The following RSPO2 variants were observed in gnomAD, a reference collection of about 807,000 sequenced individuals.
The protein encoded by RSPO2 is R-spondin-2.
Under a neutral mutation model 30.9 loss-of-function variants are expected in RSPO2, and 14 were observed. The observed-to-expected ratio is 0.45, with a 90% CI of 0.30 to 0.71. The LOEUF is 0.71. Among genes scored for constraint, RSPO2 ranks in the 30% least tolerant of loss-of-function variants. The probability of loss-of-function intolerance (pLI) is 0.08; values close to 1 mark genes in which losing one functional copy is unlikely to be tolerated. For missense variants in RSPO2, 264 were observed against 301.9 expected (o/e 0.87, Z 0.93); for synonymous variants, 107 against 96.4 (o/e 1.11, Z -0.64).
intron 3 of RSPO2, chr8:107,983,204 C>T (rs1443207824): frequency 1.9e-6 from 3 of 1,571,402 alleles, no homozygotes; most frequent in Admixed American, 1.8e-5. Flanking sequence ...TACGAAGAGG[C>T]TATTTCTTGT....
chr8:108,058,710 T>C (rs1812342841), intron 2 of RSPO2, among the ~76,000 whole-genome samples: 1 of 151,974 alleles, frequency 6.6e-6, no homozygotes, highest in South Asian at 2.1e-4. Flanking sequence ...TACAACTATC[T>C]GATCTTTCAC....
intron 2 of RSPO2, among the ~76,000 whole-genome samples, chr8:108,041,686 C>T (rs1408943756): frequency 6.6e-6 from 1 of 152,032 alleles, no homozygotes; most frequent in African/African-American, 2.4e-5. Flanking sequence ...TGATAAAAGA[C>T]ACCATAGAAT....
At chr8:108,000,147 G>T (rs952658891) in intron 2 of RSPO2, among the ~76,000 whole-genome samples, 3 of 152,108 alleles carry the variant, frequency 2.0e-5, no homozygotes, top group Non-Finnish European at 4.4e-5. Flanking sequence ...GGAGTCTTAG[G>T]TGGTTCTGCT....
At chr8:107,956,630 A>G (rs976802490) in intron 5 of RSPO2, among the ~76,000 whole-genome samples, 1 of 152,192 alleles carries the variant, frequency 6.6e-6, no homozygotes, top group Non-Finnish European at 1.5e-5. Context: ...CTCTTGTTAC[A>G]CATGAGCATG....
intron 2 of RSPO2, among the ~76,000 whole-genome samples, chr8:108,011,880 C>T (rs1810721498): frequency 6.6e-6 from 1 of 152,138 alleles, no homozygotes; most frequent in African/African-American, 2.4e-5. Context: ...CATTCATAAG[C>T]CTTAAATCCC....
rs55776006 is a variant in RSPO2, at chr8:107,906,079, T to C, written c.617-4889A>G. 7.5e-3 allele frequency among the ~76,000 whole-genome samples: 1,147 copies of C among 152,046 alleles called. 9 individuals carry two copies. The highest frequency in any genetic ancestry group is 0.026 in the African/African-American group (1,067 of 41,542). On this transcript the variant is annotated intron_variant, in intron 5 of 5. Transcript: ENST00000276659. ...GTCATGAGACAGGCAACAGGATGCA[T>C]TGAGAATATAAAATTGATACAGCCT...
At chr8:108,050,313 G>A (rs1021721991) in intron 2 of RSPO2, among the ~76,000 whole-genome samples, 5 of 152,148 alleles carry the variant, frequency 3.3e-5, no homozygotes, top group Admixed American at 6.6e-5. Flanking sequence ...GTATGGATCG[G>A]TTAATTATAA....
intron 2 of RSPO2, among the ~76,000 whole-genome samples, chr8:107,992,219 C>A (rs541804848): frequency 7.6e-6 from 1 of 131,172 alleles, no homozygotes; most frequent in East Asian, 2.2e-4. Context: ...GAATACTATA[C>A]AGCCATAAAA....
chr8:107,982,903 A>G (rs1335574179), intron 3 of RSPO2, among the ~76,000 whole-genome samples: 19 of 152,030 alleles, frequency 1.2e-4, no homozygotes, highest in Admixed American at 1.2e-3. Context: ...TTAATATACT[A>G]TATTTTTTAG....
chr8:107,904,369 A>AT (rs1811573113), intron 5 of RSPO2, among the ~76,000 whole-genome samples: 1 of 151,932 alleles, frequency 6.6e-6, no homozygotes, highest in Admixed American at 6.6e-5. Context: ...AAAAAAAAAA[A>AT]AAGAAGTTTG....
intron 5 of RSPO2, among the ~76,000 whole-genome samples, chr8:107,935,748 C>G (rs1812704287): frequency 6.6e-6 from 1 of 152,092 alleles, no homozygotes; most frequent in Admixed American, 6.6e-5. Context: ...CACCCTGGGT[C>G]AGCTGAAAGA....
chr8:107,938,408 T>C (rs77904761), intron 5 of RSPO2, among the ~76,000 whole-genome samples: 13,686 of 152,140 alleles, frequency 0.09, 796 homozygotes, highest in East Asian at 0.18. Flanking sequence ...AAGCTTTTCT[T>C]GTCAAAATAT....
intron 2 of RSPO2, among the ~76,000 whole-genome samples, chr8:108,008,795 A>T (rs7844397): frequency 1.5e-4 from 23 of 150,646 alleles, no homozygotes; most frequent in South Asian, 4.3e-4. Context: ...TGCAAAAAAA[A>T]AAAAATAAAG....
At chr8:107,926,229 T>C (rs1254301982) in intron 5 of RSPO2, among the ~76,000 whole-genome samples, 1 of 152,228 alleles carries the variant, frequency 6.6e-6, no homozygotes, top group Non-Finnish European at 1.5e-5. Flanking sequence ...GTTCATATCA[T>C]TCACCCACTT....
intron 2 of RSPO2, among the ~76,000 whole-genome samples, chr8:108,052,375 C>T (rs1812102984): frequency 6.6e-6 from 1 of 152,054 alleles, no homozygotes. Context: ...GATGTATTCC[C>T]CAGAATCATG....
chr8:108,003,311 ATTTTTTTTTTTTTT>A (rs869040336), intron 2 of RSPO2, among the ~76,000 whole-genome samples: 22 of 29,018 alleles, frequency 7.6e-4, no homozygotes, highest in African/African-American at 2.7e-3. Flanking sequence ...ATATATATAT[ATTTTTTTTTTTTTT>A]TTTTTTTTTT....
At chr8:108,050,508 TA>T (rs1364189709) in intron 2 of RSPO2, among the ~76,000 whole-genome samples, 2 of 152,114 alleles carry the variant, frequency 1.3e-5, no homozygotes, top group Non-Finnish European at 2.9e-5. Flanking sequence ...TTCTAGACCA[TA>T]AGTATGTAGA....
chr8:107,980,884 C>G (rs900807949), intron 3 of RSPO2, among the ~76,000 whole-genome samples: 1 of 152,176 alleles, frequency 6.6e-6, no homozygotes, highest in Non-Finnish European at 1.5e-5. Flanking sequence ...TTCAGCACCA[C>G]TTTATGTAAT....
At chr8:107,988,426 GTT>G (rs71562167) in intron 3 of RSPO2, among the ~76,000 whole-genome samples, 3 of 143,496 alleles carry the variant, frequency 2.1e-5, no homozygotes, top group East Asian at 4.0e-4. Flanking sequence ...TTCCTTTGTG[GTT>G]TTTTTTTTTT....
Sources: gnomAD v4.1 joint callset for allele counts (sites outside exome capture counted in the v4.1 genomes callset) on GRCh38, gnomAD v4.1.1 for gene constraint, MANE v1.5 for transcripts, NCBI Gene and HGNC (gene_info 2026-07-23, HGNC 2026-07-21) for gene names.